SLC11A1: variants seen among roughly 807,000 people sequenced by gnomAD.
SLC11A1 encodes natural resistance-associated macrophage protein 1.
SLC11A1 carries 59 observed loss-of-function variants against 63.2 expected under a neutral mutation model. That is an observed-to-expected ratio of 0.93 (90% CI 0.76 to 1.16). The LOEUF (loss-of-function observed/expected upper bound fraction) is 1.16. Ranked by LOEUF, SLC11A1 falls within the 50% of genes most tolerant of loss-of-function variation. The probability of loss-of-function intolerance (pLI) is 0.00; values close to 1 mark genes in which losing one functional copy is unlikely to be tolerated. For synonymous variants in SLC11A1, 305 were observed against 307.8 expected (o/e 0.99, Z 0.09); for missense variants, 688 against 730.7 (o/e 0.94, Z 0.67).
chr2:218,388,156 T>TC, intron 8 of SLC11A1: 3 of 582,678 alleles, frequency 5.1e-6, no homozygotes, highest in Non-Finnish European at 8.8e-6. Flanking sequence ...GATCACGAGG[T>TC]CAAGAGATCG....
rs1162559913 is a variant in SLC11A1 at position 218,395,025 on chromosome 2, C to T, written c.1643C>T (p.Thr548Ile). ...GLLEEDQKGE[T>I]SG The stretch of plus-strand genomic sequence containing the variant: ...CTTGAAGAGGACCAGAAAGGGGAGA[C>T]CTCTGGCTAGGCCCACACCAGGGCC... The change falls in exon 15 of 15, where the codon ACC becomes ATC. Residue 548 changes from threonine (T) to isoleucine (I), a missense_variant. Physicochemically the swap from Thr to Ile is moderately conservative, Grantham distance 89. Transcript: ENST00000233202. 11 of 1,603,492 alleles carry T rather than the reference C, an allele frequency of 6.9e-6. No individual in the cohort carries two copies. The highest frequency in any genetic ancestry group is 9.4e-6 in the Non-Finnish European group (11 of 1,174,508).
rs147333105 is a variant in SLC11A1, at chr2:218,391,287, G to A, written c.1044G>A (p.Gly348=). 2 of 1,613,872 alleles carry A rather than the reference G, an allele frequency of 1.2e-6. No individual in the cohort carries two copies. Among genetic ancestry groups the A allele is most frequent in the African/African-American group, 1.3e-5 (1 of 74,918 alleles). ...NATVAVDIYQ[G]GVILGCLFGP... ...CCGTGGCCGTGGACATTTACCAGGG[G>A]GTGAGCGCGGGTGGGTGGGGAGGGC... Residue 348 remains glycine (G), a splice_region_variant and synonymous_variant, in exon 10 of 15, where the codon GGG becomes GGA. Transcript: ENST00000233202.
At position 218,384,059 on chromosome 2, in the gene SLC11A1, A is replaced by G; in HGVS notation, c.151-184A>G. 2 of 495,822 alleles carry G rather than the reference A, an allele frequency of 4.0e-6. No individual in the cohort carries two copies. Among genetic ancestry groups the G allele is most frequent in the South Asian group, 8.9e-5 (2 of 22,362 alleles). 30.7% of individuals were successfully genotyped at this position (495,822 alleles called of 1,614,324 possible). A position where few individuals can be genotyped will look rare whatever the true frequency, so the allele number is the denominator to read the frequency against. ...AGAAAAAGATCCTCTGTGACTCATC[A>G]GAGCATGCTGCTTCCTCCACCCATG... is the stretch of plus-strand genomic sequence containing the variant. On this transcript the variant is annotated intron_variant, in intron 2 of 14. Transcript: ENST00000233202. This position sits in a 1 kb window ranked among gnomAD's most constrained non-coding sequence, Gnocchi z 4.0.
chr2:218,385,583 G>A, intron 4 of SLC11A1: 1 of 399,140 alleles, frequency 2.5e-6, no homozygotes, highest in Admixed American at 2.8e-5. Context: ...TAGAGCTGGG[G>A]TTTCACCATG....
intron 8 of SLC11A1, 95 bp from the exon 9 acceptor site, chr2:218,389,775 C>G: frequency 1.5e-6 from 2 of 1,345,936 alleles, no homozygotes; most frequent in East Asian, 2.4e-5. Flanking sequence ...TAAGAAGGTA[C>G]TGGGCTTTGG....
rs1389692046 is a variant in SLC11A1 at position 218,382,374 on chromosome 2, A to T, written c.6A>T (p.Thr2=). 1.2e-6 allele frequency: 2 copies of T among 1,613,364 alleles called. No individual in the cohort carries two copies. Among genetic ancestry groups the T allele is most frequent in the Admixed American group, 1.7e-5 (1 of 59,944 alleles). M[T]GDKGPQRLSG... ...TACCTGAAGTCGGCATTTCAATGACAGGTGAGTAGTGGCCCCTAGGGACAG... is the reference window on the plus strand; with the variant it reads ...TACCTGAAGTCGGCATTTCAATGACTGGTGAGTAGTGGCCCCTAGGGACAG... The change falls in exon 1 of 15, where the codon ACA becomes ACT. Residue 2 remains threonine, a splice_region_variant and synonymous_variant. Transcript: ENST00000233202.
Position 218,395,099 on chromosome 2 carries a change from G to A in SLC11A1, c.*64G>A. 1 of 1,289,454 alleles carries A rather than the reference G, an allele frequency of 7.8e-7. No individual in the cohort carries two copies. Among genetic ancestry groups the A allele is most frequent in the Non-Finnish European group, 1.1e-6 (1 of 917,778 alleles). The allele number at this position is 1,289,454 out of a possible 1,614,324, so 79.9% of individuals were successfully genotyped here. A position where few individuals can be genotyped will look rare whatever the true frequency, so the allele number is the denominator to read the frequency against. The stretch of plus-strand genomic sequence containing the variant: ...GTGACTGGCCTGCTGGATGTGGAGG[G>A]GGCGCGTGCAGGCAGCAGGATAGAG... On this transcript the variant is annotated 3_prime_UTR_variant, in exon 15 of 15. Coordinates refer to ENST00000233202, the MANE Select transcript of SLC11A1 (RefSeq NM_000578.4).
chr2:218,386,668 C>G lies in SLC11A1; in HGVS notation c.427C>G (p.Leu143Val), dbSNP rs1344554389. Residue 143 changes from leucine (L) to valine (V), a missense_variant, in exon 5 of 15, where the codon CTA (leucine) becomes GTA (valine). By Grantham distance (32) the Leu-to-Val change is conservative. Transcript: ENST00000233202. ...PRTVLWLTIE[L>V]AIVGSDMQEV... ...CACCGTCCTCTGGCTGACCATCGAG[C>G]TAGCCATTGTGGGCTCCGACATGCA... 1.2e-6 allele frequency: 2 copies of G among 1,613,968 alleles called. No homozygotes were observed. The highest frequency in any genetic ancestry group is 2.7e-5 in the African/African-American group (2 of 74,924).
At position 218,386,713 on chromosome 2, in the gene SLC11A1, A is replaced by G. The variant is rs754830948; in HGVS notation, c.472A>G (p.Ile158Val). Residue 158 changes from isoleucine (I) to valine (V), a missense_variant, in exon 5 of 15, where the codon ATT becomes GTT. Coordinates refer to ENST00000233202, the MANE Select transcript of SLC11A1 (RefSeq NM_000578.4). Reference sequence around the variant, plus strand: ...CATGCAGGAAGTCATCGGCACGGCCATTGCATTCAATCTGCTCTCAGCTGG... The same window carrying G: ...CATGCAGGAAGTCATCGGCACGGCCGTTGCATTCAATCTGCTCTCAGCTGG... ...SDMQEVIGTA[I>V]AFNLLSAGRI... 12 of 1,613,896 alleles carry G rather than the reference A, an allele frequency of 7.4e-6. No homozygotes were observed. The highest frequency in any genetic ancestry group is 2.2e-5 in the South Asian group (2 of 91,082).
In SLC11A1 at chr2:218,395,870, G is replaced by C. The variant is rs753115509; in HGVS notation, c.*835G>C. The C allele has an allele frequency of 1.6e-4, 25 of 152,376 alleles. No homozygotes were observed. Among genetic ancestry groups the C allele is most frequent in the African/African-American group, 6.0e-4 (25 of 41,442 alleles). The allele number at this position is 152,376 out of a possible 1,614,324, so 9.4% of individuals were successfully genotyped here. The stretch of plus-strand genomic sequence containing the variant: ...AGACCCCTACACCAGGGTCTGGTCC[G>C]CTCCTATTCGCCGCAGCCTTTCTGT... On this transcript the variant is annotated 3_prime_UTR_variant, in exon 15 of 15. Transcript: ENST00000233202.
chr2:218,387,798 A>C lies in SLC11A1; in HGVS notation c.640-2A>C. 1.9e-6 allele frequency: 3 copies of C among 1,610,044 alleles called. No homozygotes were observed. Among genetic ancestry groups the C allele is most frequent in the Non-Finnish European group, 2.5e-6 (3 of 1,178,442 alleles). ...TTGTCCTGACCAGGCTCCTCCCTGC[A>C]GTATGTGGTGGCGCGTCCTGAGCAG... On this transcript the variant is annotated splice_acceptor_variant, in intron 7 of 14. Transcript: ENST00000233202. LOFTEE classifies it high-confidence loss of function.
chr2:218,392,700 T>C (rs1036930565), intron 11 of SLC11A1: 2 of 369,498 alleles, frequency 5.4e-6, no homozygotes, highest in Non-Finnish European at 4.9e-6. Flanking sequence ...AGAAAACAGA[T>C]CCTGACAGAT....
intron 9 of SLC11A1, among the ~76,000 whole-genome samples, chr2:218,390,733 G>C (rs916493544): frequency 1.3e-5 from 2 of 152,190 alleles, no homozygotes; most frequent in Admixed American, 1.3e-4. Flanking sequence ...CCAGGCAGGC[G>C]CAGAGTTGTG....
chr2:218,383,408 A>C (rs1574759413), intron 2 of SLC11A1: 2 of 284,738 alleles, frequency 7.0e-6, no homozygotes, highest in East Asian at 1.3e-4. Context: ...CATTTAGGAA[A>C]GGGCATAGGG....
intron 5 of SLC11A1, 98 bp downstream of exon 5, chr2:218,386,839 G>A: frequency 2.3e-6 from 2 of 886,298 alleles, no homozygotes; most frequent in Middle Eastern, 2.1e-4. Flanking sequence ...ATTTTATCCT[G>A]CTGTCCCCTC....
In SLC11A1 at chr2:218,393,138, G is replaced by A; in HGVS notation, c.1314+8G>A. On this transcript the variant is annotated splice_region_variant and intron_variant, in intron 12 of 14. Transcript: ENST00000233202. Reference sequence around the variant, plus strand: ...GTGCTGCAGAGCCTGCTGGTGAGATGCGCCAACCCCACCAGCCCTGCCCAC... The same window carrying A: ...GTGCTGCAGAGCCTGCTGGTGAGATACGCCAACCCCACCAGCCCTGCCCAC... 1 of 1,556,600 alleles carries A rather than the reference G, an allele frequency of 6.4e-7. No homozygotes were observed. The highest frequency in any genetic ancestry group is 1.2e-5 in the South Asian group (1 of 85,616).
chr2:218,383,491 T>C (rs1171179426), intron 2 of SLC11A1: 1 of 162,076 alleles, frequency 6.2e-6, no homozygotes, highest in Non-Finnish European at 1.3e-5. Flanking sequence ...TATCTTCTCT[T>C]TTTTTGGAGA....
In SLC11A1 at chr2:218,387,844, G is replaced by C. The variant is rs1696193196; in HGVS notation, c.684G>C (p.Leu228=). The change falls in exon 8 of 15, where the codon CTG becomes CTC. Residue 228 remains leucine, a synonymous_variant. Coordinates refer to ENST00000233202, the MANE Select transcript of SLC11A1 (RefSeq NM_000578.4). ...AGCAGGGAGCGCTTCTTCGGGGCCT[G>C]TTCCTGCCCTCGTGCCCGGGCTGCG... is the stretch of plus-strand genomic sequence containing the variant. ...RPEQGALLRG[L]FLPSCPGCGH... 1 of 1,602,874 alleles carries C rather than the reference G, an allele frequency of 6.2e-7. No homozygotes were observed. Among genetic ancestry groups the C allele is most frequent in the South Asian group, 1.1e-5 (1 of 90,162 alleles).
At position 218,389,862 on chromosome 2, in the gene SLC11A1, C is replaced by A; in HGVS notation, c.796-8C>A. On this transcript the variant is annotated splice_region_variant and splice_polypyrimidine_tract_variant and intron_variant, in intron 8 of 14. Transcript: ENST00000233202. ...TTTGGCACTTCCCTCTCCCTTTGAT[C>A]TTCGTAGTCTCGAGAGATAGACCGG... The A allele has an allele frequency of 1.2e-6, 2 of 1,603,088 alleles. No homozygotes were observed. The highest frequency in any genetic ancestry group is 1.7e-6 in the Non-Finnish European group (2 of 1,174,354).
Sources: allele counts gnomAD v4.1 joint callset (sites outside exome capture counted in the v4.1 genomes callset), GRCh38; gene constraint gnomAD v4.1.1; non-coding constraint Gnocchi (gnomAD v3.1); transcripts MANE v1.5; gene names NCBI Gene and HGNC (gene_info 2026-07-23, HGNC 2026-07-21).